The following PCDH9 variants were observed in gnomAD, a reference collection of about 807,000 sequenced individuals.
The protein encoded by PCDH9 is protocadherin-9.
In PCDH9, 24 loss-of-function variants were observed where a neutral mutation model predicts 70.6. That is an observed-to-expected ratio of 0.34 (90% confidence interval 0.25 to 0.48). PCDH9 has a LOEUF of 0.48. Ranked by LOEUF, PCDH9 falls within the 20% of genes least tolerant of loss-of-function variation. The probability of loss-of-function intolerance (pLI) is 0.99; values close to 1 mark genes in which losing one functional copy is unlikely to be tolerated. For synonymous variants in PCDH9, 562 were observed against 558.5 expected, an observed-to-expected ratio of 1.01 and a Z score of -0.09; for missense variants, 1,281 against 1,503.6, an observed-to-expected ratio of 0.85 and a Z score of 2.45.
At chr13:66,846,494 T>TA (rs1258603640) in intron 3 of PCDH9, among the ~76,000 whole-genome samples, 1 of 152,160 alleles carries the variant, frequency 6.6e-6, no homozygotes, top group Non-Finnish European at 1.5e-5. Flanking sequence ...ATAATGTAAA[T>TA]ATTTCTTTCA....
At chr13:67,136,721 T>C (rs2087241496) in intron 2 of PCDH9, among the ~76,000 whole-genome samples, 1 of 151,434 alleles carries the variant, frequency 6.6e-6, no homozygotes, top group Non-Finnish European at 1.5e-5. Context: ...TTTACAAATG[T>C]AAATAATTTT....
intron 4 of PCDH9, among the ~76,000 whole-genome samples, chr13:66,394,784 A>G (rs973594488): frequency 2.0e-5 from 3 of 152,230 alleles, no homozygotes; most frequent in African/African-American, 7.2e-5. Context: ...TTGAGTGAAC[A>G]CAAGCTATTT....
intron 4 of PCDH9, among the ~76,000 whole-genome samples, chr13:66,402,905 C>G (rs956917950): frequency 3.3e-5 from 5 of 152,104 alleles, no homozygotes; most frequent in African/African-American, 1.2e-4. Context: ...TTAATTTTAT[C>G]AAAAGGTGAT....
intron 2 of PCDH9, among the ~76,000 whole-genome samples, chr13:66,994,328 C>T (rs760301994): frequency 6.6e-6 from 1 of 152,172 alleles, no homozygotes; most frequent in Non-Finnish European, 1.5e-5. Flanking sequence ...CTGAAAGGAA[C>T]GGCCTGCAAA....
At position 67,226,299 on chromosome 13, in the gene PCDH9, C is replaced by T. The variant is rs775537328; in HGVS notation, c.2142G>A (p.Lys714=). The T allele has an allele frequency of 5.0e-6, 8 of 1,614,110 alleles. No individual in the cohort carries two copies. Among genetic ancestry groups the T allele is most frequent in the South Asian group, 1.1e-5 (1 of 91,082 alleles). Residue 714 remains lysine (K), a synonymous_variant, in exon 2 of 5, where the codon AAG becomes AAA. Transcript: ENST00000377865. This position sits in a 1 kb window ranked among gnomAD's most constrained non-coding sequence, Gnocchi z 5.0. ...DVDTGMNAEL[K]YTIVSGNNKG... ...TATTGTTTCCACTCACTATAGTATACTTTAGTTCAGCGTTCATTCCAGTGT... is the reference window on the plus strand; with the variant it reads ...TATTGTTTCCACTCACTATAGTATATTTTAGTTCAGCGTTCATTCCAGTGT...
intron 2 of PCDH9, among the ~76,000 whole-genome samples, chr13:67,117,630 C>A (rs556463447): frequency 6.6e-6 from 1 of 152,106 alleles, no homozygotes; most frequent in South Asian, 2.1e-4. Context: ...GTCTATGTAC[C>A]CATGCTATGA....
chr13:66,980,726 C>CTTTTTTTTT (rs1327800250), intron 2 of PCDH9, among the ~76,000 whole-genome samples: 10 of 33,370 alleles, frequency 3.0e-4, no homozygotes, highest in Non-Finnish European at 4.1e-4. Context: ...CTGTTTTTTT[C>CTTTTTTTTT]TTTGTTTTTT....
chr13:66,914,846 A>C (rs1159098143), intron 2 of PCDH9: 4 of 151,786 alleles, frequency 2.6e-5, no homozygotes, highest in African/African-American at 9.7e-5. Context: ...ATTTTAGAAA[A>C]TTCAAAATGG....
In PCDH9 at chr13:66,326,233, A is replaced by G. The variant is rs7985415; in HGVS notation, c.3341-21205T>C. Among the ~76,000 whole-genome samples the G allele has an allele frequency of 6.3e-3, 964 of 152,078 alleles. 8 individuals are homozygous for G. The highest frequency in any genetic ancestry group is 0.022 in the African/African-American group (913 of 41,488). ...ATTATCAATCCTTTCTCACTTACAT[A>G]TATGTAACCCCAGCAGTGTTCTCTT... On this transcript the variant is annotated intron_variant, in intron 4 of 4. Transcript: ENST00000377865.
intron 2 of PCDH9, among the ~76,000 whole-genome samples, chr13:67,077,942 T>C (rs2085909957): frequency 6.6e-6 from 1 of 152,174 alleles, no homozygotes; most frequent in Admixed American, 6.5e-5. Context: ...AGTCTAAAAC[T>C]TTTCCATCTT....
chr13:67,225,891 G>A lies in PCDH9; in HGVS notation c.2550C>T (p.Ser850=), dbSNP rs2089851468. The A allele has an allele frequency of 6.2e-7, 1 of 1,613,960 alleles. No homozygotes were observed. Among genetic ancestry groups the A allele is most frequent in the Admixed American group, 1.7e-5 (1 of 59,996 alleles). ...HASRFKAAQR[S]KQGAEWMSPN... ...GGGACATCCATTCGGCACCTTGCTT[G>A]CTCCTCTGAGCTGCTTTGAACCTTG... The change falls in exon 2 of 5, where the codon AGC becomes AGT. Residue 850 remains serine (S), a synonymous_variant. Transcript: ENST00000377865.
At chr13:67,152,824 A>T (rs560519483) in intron 2 of PCDH9, among the ~76,000 whole-genome samples, 3 of 152,232 alleles carry the variant, frequency 2.0e-5, no homozygotes, top group Admixed American at 2.0e-4. Context: ...AATGAGGAAG[A>T]TGAGAAGGTT....
chr13:66,932,210 C>T (rs963770213), intron 2 of PCDH9, among the ~76,000 whole-genome samples: 1 of 152,110 alleles, frequency 6.6e-6, no homozygotes, highest in Non-Finnish European at 1.5e-5. Context: ...GAGTAAAAAT[C>T]TTGGCTCTGC....
chr13:66,733,413 T>C (rs1261954336), intron 3 of PCDH9, among the ~76,000 whole-genome samples: 1 of 152,160 alleles, frequency 6.6e-6, no homozygotes, highest in African/African-American at 2.4e-5. Context: ...ACACTAATTA[T>C]TTTTGATGGA....
intron 2 of PCDH9, among the ~76,000 whole-genome samples, chr13:67,088,970 A>G (rs144606082): frequency 2.6e-3 from 390 of 152,152 alleles, no homozygotes; most frequent in African/African-American, 9.2e-3. Context: ...AGATGACAGA[A>G]TTTGAAAGCA....
At chr13:67,198,843 AG>A (rs1340193128) in intron 2 of PCDH9, among the ~76,000 whole-genome samples, 9 of 151,890 alleles carry the variant, frequency 5.9e-5, no homozygotes, top group African/African-American at 2.2e-4. Flanking sequence ...AAATAGCAAA[AG>A]TGGCTATAGG....
intron 4 of PCDH9, among the ~76,000 whole-genome samples, chr13:66,623,137 C>G (rs925120067): frequency 6.6e-6 from 1 of 152,224 alleles, no homozygotes. Context: ...ACACTCACCG[C>G]GAGGGTCCGC....
chr13:66,601,916 T>G (rs2077170197), intron 4 of PCDH9, among the ~76,000 whole-genome samples: 1 of 146,312 alleles, frequency 6.8e-6, no homozygotes, highest in African/African-American at 2.5e-5. Flanking sequence ...ATACAGTGCA[T>G]AATACTTGAT....
rs2088271888 is a variant in PCDH9 at position 67,171,083 on chromosome 13, T to A, written c.3036+54322A>T. 2.0e-5 allele frequency among the ~76,000 whole-genome samples: 3 copies of A among 152,196 alleles called. No homozygotes were observed. In the South Asian group the frequency reaches 6.2e-4, roughly 31 times the overall value. ...GCCGAAATGACTTCTATCTCCTAGA[T>A]GAAACATAGCATACCGAAATCCATT... On this transcript the variant is annotated intron_variant, in intron 2 of 4. Transcript: ENST00000377865.
Sources: gnomAD v4.1 joint callset for allele counts (sites outside exome capture counted in the v4.1 genomes callset) on GRCh38, gnomAD v4.1.1 for gene constraint, Gnocchi (gnomAD v3.1) non-coding constraint, MANE v1.5 for transcripts, NCBI Gene and HGNC (gene_info 2026-07-23, HGNC 2026-07-21) for gene names.